NOS1AP: variants seen among roughly 807,000 people sequenced by gnomAD.
The protein encoded by NOS1AP is carboxyl-terminal PDZ ligand of neuronal nitric oxide synthase protein.
In NOS1AP, 21 loss-of-function variants were observed where a neutral mutation model predicts 56.2. That is an observed-to-expected ratio of 0.37 (90% CI 0.26 to 0.54). The LOEUF is 0.54. NOS1AP is among the 20% of genes least tolerant of loss of function. NOS1AP has a pLI of 0.84. For synonymous variants in NOS1AP, 270 were observed against 274.6 expected (o/e 0.98, Z 0.17); for missense variants, 522 against 657.8 (o/e 0.79, Z 2.26).
chr1:162,250,048 G>A (rs1335486707), intron 2 of NOS1AP, among the ~76,000 whole-genome samples: 1 of 152,344 alleles, frequency 6.6e-6, no homozygotes, highest in South Asian at 2.1e-4. Context: ...TGCCCTGTCT[G>A]TTCCCTTGTT....
intron 5 of NOS1AP, among the ~76,000 whole-genome samples, chr1:162,336,042 A>G (rs1478788900): frequency 6.6e-6 from 1 of 152,194 alleles, no homozygotes; most frequent in Admixed American, 6.5e-5. Flanking sequence ...GGCTTTCACC[A>G]GAAGCTAGAA....
intron 2 of NOS1AP, among the ~76,000 whole-genome samples, chr1:162,234,106 T>C (rs10800366): frequency 0.58 from 87,866 of 152,032 alleles, 26,113 homozygotes; most frequent in Non-Finnish European, 0.67. Context: ...AGGCAGAATG[T>C]GATTGGGCCC....
At chr1:162,136,082 T>C (rs903436880) in intron 1 of NOS1AP, among the ~76,000 whole-genome samples, 2 of 152,122 alleles carry the variant, frequency 1.3e-5, no homozygotes, top group African/African-American at 4.8e-5. Context: ...ACTATAAAAA[T>C]GGCCTCAACA....
intron 2 of NOS1AP, among the ~76,000 whole-genome samples, chr1:162,198,647 C>A (rs1449175024): frequency 6.6e-6 from 1 of 152,222 alleles, no homozygotes; most frequent in African/African-American, 2.4e-5. Flanking sequence ...TGCAGCAAAT[C>A]TCTAAATGAT....
In NOS1AP at chr1:162,367,475, G is replaced by T; in HGVS notation, c.*8G>T. On this transcript the variant is annotated 3_prime_UTR_variant, in exon 10 of 10. Coordinates refer to ENST00000361897, the MANE Select transcript of NOS1AP (RefSeq NM_014697.3). The surrounding 1 kb of genome is among the most constrained non-coding windows in gnomAD (Gnocchi z 6.5). Reference sequence around the variant, plus strand: ...GATGAGATCGCCGTGTAGGTGCCGAGGGCGAGGAGATGGAGGCGGCGGCGT... The same window carrying T: ...GATGAGATCGCCGTGTAGGTGCCGATGGCGAGGAGATGGAGGCGGCGGCGT... The T allele has an allele frequency of 6.5e-7, 1 of 1,547,932 alleles. No homozygotes were observed. The highest frequency in any genetic ancestry group is 1.2e-5 in the South Asian group (1 of 85,268).
chr1:162,142,537 T>C (rs888476549), intron 1 of NOS1AP, among the ~76,000 whole-genome samples: 1 of 152,212 alleles, frequency 6.6e-6, no homozygotes, highest in Non-Finnish European at 1.5e-5. Context: ...CTTTTATTCT[T>C]GGTGTACATT....
chr1:162,116,420 A>G (rs550467448), intron 1 of NOS1AP, among the ~76,000 whole-genome samples: 1 of 152,072 alleles, frequency 6.6e-6, no homozygotes, highest in Non-Finnish European at 1.5e-5. Context: ...TTCGCTCCCC[A>G]GGTTTCTTCT....
At chr1:162,294,220 GAAGGAAGA>G (rs1172511087) in intron 3 of NOS1AP, among the ~76,000 whole-genome samples, 87 of 149,074 alleles carry the variant, frequency 5.8e-4, no homozygotes, top group African/African-American at 7.9e-4. Context: ...AGGAAGGAAG[GAAGGAAGA>G]AAGAAAGGAA....
intron 1 of NOS1AP, among the ~76,000 whole-genome samples, chr1:162,149,407 A>G (rs1223039008): frequency 1.3e-5 from 2 of 152,172 alleles, no homozygotes; most frequent in Admixed American, 1.3e-4. Context: ...TAGAAGGGCC[A>G]CCCTCCAGCA....
At chr1:162,265,586 T>A (rs1298682257) in intron 2 of NOS1AP, among the ~76,000 whole-genome samples, 2 of 152,180 alleles carry the variant, frequency 1.3e-5, no homozygotes, top group African/African-American at 4.8e-5. Context: ...TGCATAGTAT[T>A]CTTTATGAGA....
intron 2 of NOS1AP, among the ~76,000 whole-genome samples, chr1:162,284,953 A>G (rs10919067): frequency 0.29 from 43,981 of 152,142 alleles, 6,790 homozygotes; most frequent in East Asian, 0.59. Flanking sequence ...ATAGCAGGCA[A>G]TATGTTCTCT....
intron 4 of NOS1AP, among the ~76,000 whole-genome samples, chr1:162,310,816 C>CT (rs974970100): frequency 6.6e-6 from 1 of 152,114 alleles, no homozygotes; most frequent in African/African-American, 2.4e-5. Context: ...CCACACCTCT[C>CT]TGAGATTCCT....
intron 4 of NOS1AP, among the ~76,000 whole-genome samples, chr1:162,327,938 G>A (rs936918917): frequency 5.9e-5 from 9 of 152,190 alleles, no homozygotes; most frequent in African/African-American, 1.7e-4. Flanking sequence ...AATGTGGTAT[G>A]TGTGTTTTAA....
At chr1:162,333,924 G>A (rs1656857314) in intron 5 of NOS1AP, among the ~76,000 whole-genome samples, 1 of 152,186 alleles carries the variant, frequency 6.6e-6, no homozygotes, top group Admixed American at 6.5e-5. Context: ...CATGTAATAT[G>A]TGTTAATATC....
intron 3 of NOS1AP, among the ~76,000 whole-genome samples, chr1:162,296,344 G>A (rs1184751540): frequency 6.6e-6 from 1 of 152,160 alleles, no homozygotes; most frequent in Non-Finnish European, 1.5e-5. Flanking sequence ...CAAAACATTG[G>A]TGAGTCCCTG....
intron 4 of NOS1AP, among the ~76,000 whole-genome samples, chr1:162,310,305 C>T (rs1655984281): frequency 6.6e-6 from 1 of 152,206 alleles, no homozygotes; most frequent in African/African-American, 2.4e-5. Flanking sequence ...GGGGTGACAT[C>T]TGCACCTTCT....
intron 5 of NOS1AP, among the ~76,000 whole-genome samples, chr1:162,337,743 T>TAGAAAA (rs1656986570): frequency 6.6e-6 from 1 of 152,222 alleles, no homozygotes; most frequent in Non-Finnish European, 1.5e-5. Context: ...ATGCAGTATG[T>TAGAAAA]CCTGTCAATG....
chr1:162,145,736 T>C (rs922441458), intron 1 of NOS1AP, among the ~76,000 whole-genome samples: 2 of 152,178 alleles, frequency 1.3e-5, no homozygotes, highest in Admixed American at 6.5e-5. Flanking sequence ...CTAACTCAGA[T>C]GGGCAATCTC....
intron 1 of NOS1AP, among the ~76,000 whole-genome samples, chr1:162,083,546 T>C (rs1691938198): frequency 6.6e-6 from 1 of 152,144 alleles, no homozygotes; most frequent in South Asian, 2.1e-4. Context: ...TGGCCTCAAA[T>C]TGGCTCTTTA....
Sources: allele counts gnomAD v4.1 joint callset (sites outside exome capture counted in the v4.1 genomes callset), GRCh38; gene constraint gnomAD v4.1.1; non-coding constraint Gnocchi (gnomAD v3.1); transcripts MANE v1.5; gene names NCBI Gene and HGNC (gene_info 2026-07-23, HGNC 2026-07-21).